The following OCM2 variants were observed in gnomAD, a reference collection of about 807,000 sequenced individuals.
OCM2 encodes oncomodulin 2.
OCM2 carries 6 observed loss-of-function variants against 13.6 expected under a neutral mutation model. That is an observed-to-expected ratio of 0.44 (90% CI 0.24 to 0.87). OCM2 has a LOEUF of 0.87. Ranked by LOEUF, OCM2 falls within the 40% of genes least tolerant of loss-of-function variation. The pLI is 0.22. For synonymous variants in OCM2, 40 were observed against 50.7 expected, an observed-to-expected ratio of 0.79 and a Z score of 0.90; for missense variants, 118 against 136.8, an observed-to-expected ratio of 0.86 and a Z score of 0.68.
intron 1 of OCM2, 28 bp downstream of exon 1, chr7:97,990,016 T>TCG: frequency 9.2e-7 from 1 of 1,083,838 alleles, no homozygotes; most frequent in Non-Finnish European, 1.4e-6. Flanking sequence ...TGTGAGGAAA[T>TCG]CCCACCCCCG....
At chr7:97,985,964 G>A (rs1045905503) in intron 3 of OCM2, among the ~76,000 whole-genome samples, 25 of 151,930 alleles carry the variant, frequency 1.6e-4, no homozygotes, top group Admixed American at 6.6e-4. Context: ...CCAGGCTGGA[G>A]TGCAATGGTG....
chr7:97,990,140 T>C, exon 1 of OCM2: 1 of 1,598,634 alleles, frequency 6.3e-7, no homozygotes, highest in Non-Finnish European at 8.6e-7. Flanking sequence ...CGAGAGGCGA[T>C]AAGCCACAAA....
chr7:97,985,435 G>A (rs1400358784), intron 3 of OCM2, among the ~76,000 whole-genome samples: 26 of 113,424 alleles, frequency 2.3e-4, no homozygotes, highest in South Asian at 3.5e-4. Context: ...AAAAAAAAAA[G>A]AAAGAAAGAA....
intron 3 of OCM2, 32 bp downstream of exon 3, chr7:97,987,015 G>A (rs1263442335): frequency 3.1e-6 from 5 of 1,609,740 alleles, no homozygotes; most frequent in Non-Finnish European, 4.2e-6. Flanking sequence ...CTGAGCTAGA[G>A]TGTTTTATGC....
At chr7:97,990,016 T>TGGGGC in intron 1 of OCM2, 28 bp downstream of exon 1, 15 of 1,083,824 alleles carry the variant, frequency 1.4e-5, no homozygotes, top group African/African-American at 4.7e-5. Flanking sequence ...TGTGAGGAAA[T>TGGGGC]CCCACCCCCG....
Position 97,987,040 on chromosome 7 carries a change from G to T in OCM2, c.304+7C>A. ...GTGTTTTATGCTACGTACACGTGTG[G>T]ACATACCCTCTGCTCCAATTTTCCC... On this transcript the variant is annotated splice_region_variant and intron_variant, in intron 3 of 3. Transcript: ENST00000257627. The T allele has an allele frequency of 6.2e-7, 1 of 1,612,748 alleles. No homozygotes were observed. Among genetic ancestry groups the T allele is most frequent in the South Asian group, 1.1e-5 (1 of 90,880 alleles).
chr7:97,989,443 A>AG lies in OCM2; in HGVS notation c.61+600dup, dbSNP rs1290014255. Among the ~76,000 whole-genome samples the AG allele has an allele frequency of 2.0e-5, 3 of 150,920 alleles. No homozygotes were observed. The East Asian group carries it at 5.8e-4, about 29-fold the overall frequency. The stretch of plus-strand genomic sequence containing the variant: ...GAGACAGAGTCTCACTCTGTCGTCC[A>AG]GGCTGGAGTGCAGTGTAGCGATCAT... On this transcript the variant is annotated intron_variant, in intron 1 of 3. Transcript: ENST00000257627.
chr7:97,988,387 G>A (rs1205753651), intron 2 of OCM2, 29 bp downstream of exon 2: 7 of 1,613,652 alleles, frequency 4.3e-6, no homozygotes, highest in Non-Finnish European at 5.9e-6. Flanking sequence ...GCAGTGCCAG[G>A]TACCAGACAG....
At chr7:97,986,613 C>G (rs1794674224) in intron 3 of OCM2, among the ~76,000 whole-genome samples, 1 of 152,122 alleles carries the variant, frequency 6.6e-6, no homozygotes, top group Non-Finnish European at 1.5e-5. Context: ...TGTCTAAACC[C>G]TTGAAGATGA....
At chr7:97,988,540 T>C (rs1794695640) in exon 2 of OCM2, 1 of 1,614,180 alleles carries the variant, frequency 6.2e-7, no homozygotes, top group Non-Finnish European at 8.5e-7. Flanking sequence ...GGTTCAAAAG[T>C]GTCTGGGTCT....
intron 3 of OCM2, among the ~76,000 whole-genome samples, chr7:97,986,406 T>A (rs571292047): frequency 6.6e-6 from 1 of 152,032 alleles, no homozygotes; most frequent in Non-Finnish European, 1.5e-5. Flanking sequence ...TTCTGCTGAG[T>A]TGGCAGACAC....
rs757682710 is a variant in OCM2, at chr7:97,985,431, A to AAAAAAAG, written c.305-449_305-448insCTTTTTT. Among the ~76,000 whole-genome samples the AAAAAAAG allele has an allele frequency of 3.2e-3, 425 of 131,512 alleles. 4 individuals are homozygous for AAAAAAAG. Among genetic ancestry groups the AAAAAAAG allele is most frequent in the Non-Finnish European group, 5.2e-3 (333 of 63,830 alleles). 86.3% of individuals were successfully genotyped at this position (131,512 alleles called of 152,430 possible). A position where few individuals can be genotyped will look rare whatever the true frequency, so the allele number is the denominator to read the frequency against. ...CAGACTCCATCTCAAAAAAAAAAAAAAAAGAAAGAAAGAAAGAAAGAAAGA... is the reference window on the plus strand; with the variant it reads ...CAGACTCCATCTCAAAAAAAAAAAAAAAAAAAGAAAGAAAGAAAGAAAGAAAGAAAGA... On this transcript the variant is annotated intron_variant, in intron 3 of 3. Coordinates refer to ENST00000257627, the Ensembl canonical transcript of OCM2.
intron 1 of OCM2, among the ~76,000 whole-genome samples, chr7:97,989,793 G>T (rs1236415337): frequency 1.3e-5 from 2 of 151,486 alleles, no homozygotes; most frequent in African/African-American, 4.9e-5. Context: ...GAGTAGCTGG[G>T]ATTACAGGTG....
In OCM2 at chr7:97,987,029, G is replaced by T. The variant is rs372070368; in HGVS notation, c.304+18C>A. On this transcript the variant is annotated intron_variant, in intron 3 of 3. Coordinates refer to ENST00000257627, the Ensembl canonical transcript of OCM2. ...CCTGAGCTAGAGTGTTTTATGCTAC[G>T]TACACGTGTGGACATACCCTCTGCT... 1.4e-5 allele frequency: 23 copies of T among 1,611,472 alleles called. 1 individual carries two copies. The highest frequency in any genetic ancestry group is 1.5e-5 in the Non-Finnish European group (18 of 1,178,456).
chr7:97,989,082 C>A (rs1175037023), intron 1 of OCM2, among the ~76,000 whole-genome samples: 2 of 151,400 alleles, frequency 1.3e-5, no homozygotes, highest in East Asian at 1.9e-4. Context: ...AGGCATGCAC[C>A]CCCATGCCCA....
chr7:97,987,018 T>G (rs774578005), intron 3 of OCM2, 29 bp downstream of exon 3: 32 of 1,610,248 alleles, frequency 2.0e-5, no homozygotes, highest in Middle Eastern at 3.3e-4. Context: ...AGCTAGAGTG[T>G]TTTATGCTAC....
At chr7:97,985,744 A>G in intron 3 of OCM2, among the ~76,000 whole-genome samples, 1 of 152,148 alleles carries the variant, frequency 6.6e-6, no homozygotes, top group East Asian at 1.9e-4. Context: ...GGGACTTTGA[A>G]CTGACTTTCC....
intron 3 of OCM2, 53 bp from the exon 4 acceptor site, chr7:97,985,036 A>C: frequency 6.2e-7 from 1 of 1,613,484 alleles, no homozygotes; most frequent in African/African-American, 1.3e-5. Flanking sequence ...CGTTCTTTAC[A>C]GACATGCCGT....
intron 1 of OCM2, among the ~76,000 whole-genome samples, chr7:97,989,799 A>T (rs1287235947): frequency 6.6e-6 from 1 of 151,092 alleles, no homozygotes; most frequent in Non-Finnish European, 1.5e-5. Flanking sequence ...CTGGGATTAC[A>T]GGTGCCCACC....
Sources: gnomAD v4.1 joint callset for allele counts (sites outside exome capture counted in the v4.1 genomes callset) on GRCh38, gnomAD v4.1.1 for gene constraint, MANE v1.5 for transcripts, NCBI Gene and HGNC (gene_info 2026-07-23, HGNC 2026-07-21) for gene names.